DLD: variants seen among roughly 807,000 people sequenced by gnomAD.
DLD encodes the protein dihydrolipoamide dehydrogenase, also known as dihydrolipoyl dehydrogenase, mitochondrial.
DLD carries 36 observed loss-of-function variants against 62.2 expected under a neutral mutation model. The ratio of observed to expected loss-of-function variants is 0.58; its 90% CI spans 0.44 to 0.76. The LOEUF (loss-of-function observed/expected upper bound fraction) is 0.76, where lower values mean the gene tolerates loss of function less well. DLD is among the 30% of genes least tolerant of loss of function. The pLI is 0.00. For missense variants in DLD, 541 were observed against 608.6 expected, an observed-to-expected ratio of 0.89 and a Z score of 1.17; for synonymous variants, 204 against 199.6, an observed-to-expected ratio of 1.02 and a Z score of -0.19.
intron 1 of DLD, 68 bp from the exon 2 acceptor site, chr7:107,893,129 TATC>T (rs1442023704): frequency 6.8e-6 from 9 of 1,324,876 alleles, no homozygotes; most frequent in African/African-American, 5.8e-5. Flanking sequence ...ATTGTTCTGT[TATC>T]ATCAACCTTC....
At position 107,898,595 on chromosome 7, in the gene DLD, T is replaced by G. The variant is rs376682513; in HGVS notation, c.119-3143T>G. ...CACACCTGGCCTGTATCCTGATTTTTTAACTTTTTTTTTGAGACAGAGTCT... is the reference window on the plus strand; with the variant it reads ...CACACCTGGCCTGTATCCTGATTTTGTAACTTTTTTTTTGAGACAGAGTCT... On this transcript the variant is annotated intron_variant, in intron 2 of 13. Coordinates refer to ENST00000205402, the MANE Select transcript of DLD (RefSeq NM_000108.5). Among the ~76,000 whole-genome samples, 9 of 151,206 alleles carry G rather than the reference T, an allele frequency of 6.0e-5. No individual in the cohort carries two copies. The South Asian group carries it at 1.0e-3, about 18-fold the overall frequency.
At chr7:107,903,861 G>A (rs2031938442) in intron 5 of DLD, 1 of 275,236 alleles carries the variant, frequency 3.6e-6, no homozygotes, top group Non-Finnish European at 7.1e-6. Flanking sequence ...CCTAAAATCT[G>A]GAAATCACTG....
At position 107,903,028 on chromosome 7, in the gene DLD, A is replaced by G. The variant is rs138170299; in HGVS notation, c.268-450A>G. ...AAGTGGTGTTATGATTTATGACTATAATGTGGAATAATTTAGTCAAGTTAA... is the reference window on the plus strand; with the variant it reads ...AAGTGGTGTTATGATTTATGACTATGATGTGGAATAATTTAGTCAAGTTAA... On this transcript the variant is annotated intron_variant, in intron 4 of 13. Transcript: ENST00000205402. Among the ~76,000 whole-genome samples, 6 of 152,314 alleles carry G rather than the reference A, an allele frequency of 3.9e-5. No homozygotes were observed. In the East Asian group the frequency reaches 1.2e-3, roughly 29 times the overall value.
At position 107,916,808 on chromosome 7, in the gene DLD, C is replaced by T; in HGVS notation, c.890C>T (p.Ser297Phe). 1.2e-6 allele frequency: 2 copies of T among 1,613,140 alleles called. No homozygotes were observed. The highest frequency in any genetic ancestry group is 8.5e-7 in the Non-Finnish European group (1 of 1,179,876). ...TTGTTATCTAGTATTGAAGCTGCTTCTGGTGGTAAAGCTGAAGTTATCACT... is the reference window on the plus strand; with the variant it reads ...TTGTTATCTAGTATTGAAGCTGCTTTTGGTGGTAAAGCTGAAGTTATCACT... ...GKIDVSIEAA[S>F]GGKAEVITCD... The change falls in exon 10 of 14, where the codon TCT (serine) becomes TTT (phenylalanine). Residue 297 changes from serine to phenylalanine, a missense_variant. Coordinates refer to ENST00000205402, the MANE Select transcript of DLD (RefSeq NM_000108.5).
intron 8 of DLD, among the ~76,000 whole-genome samples, chr7:107,910,927 A>G (rs982380986): frequency 6.6e-6 from 1 of 152,006 alleles, no homozygotes; most frequent in Non-Finnish European, 1.5e-5. Flanking sequence ...TTTCCCCTCT[A>G]TTTACTTCTA....
At chr7:107,918,464 T>C (rs2032324549) in intron 12 of DLD, among the ~76,000 whole-genome samples, 1 of 152,182 alleles carries the variant, frequency 6.6e-6, no homozygotes, top group Admixed American at 6.5e-5. Flanking sequence ...AGACCAAATA[T>C]TTGCATTTTA....
rs73726765 is a variant in DLD at position 107,906,359 on chromosome 7, T to C, written c.675T>C (p.Gly225=). ...KMVVIGAGVI[G]VELGSVWQRL... ...TTGTTATTGGTGCAGGAGTAATAGG[T>C]GTAGAATTGGTAAGTGTTGTCTTTC... Residue 225 remains glycine (G), a synonymous_variant, in exon 8 of 14, where the codon GGT becomes GGC. Transcript: ENST00000205402. 3,290 of 1,605,498 alleles carry C rather than the reference T, an allele frequency of 2.0e-3. 59 individuals carry two copies. In the African/African-American group the frequency reaches 0.039, roughly 19 times the overall value.
At chr7:107,915,402 C>G in intron 8 of DLD, 104 bp from the exon 9 acceptor site, 1 of 1,239,438 alleles carries the variant, frequency 8.1e-7, no homozygotes, top group Non-Finnish European at 1.2e-6. Flanking sequence ...TAGGAACATA[C>G]TAGCGAAAGA....
chr7:107,891,302 T>C lies in DLD; in HGVS notation c.39+13T>C. The C allele has an allele frequency of 6.2e-7, 1 of 1,613,836 alleles. No homozygotes were observed. Among genetic ancestry groups the C allele is most frequent in the Non-Finnish European group, 8.5e-7 (1 of 1,179,824 alleles). ...CTCCTTGGCCAAGGTGAGGGCCGAG[T>C]AGGTGAGGTCGTGTTGAGCCAGAGG... is the stretch of plus-strand genomic sequence containing the variant. On this transcript the variant is annotated intron_variant, in intron 1 of 13. Coordinates refer to ENST00000205402, the MANE Select transcript of DLD (RefSeq NM_000108.5).
At chr7:107,896,928 C>T (rs1410359378) in intron 2 of DLD, among the ~76,000 whole-genome samples, 2 of 151,952 alleles carry the variant, frequency 1.3e-5, no homozygotes, top group African/African-American at 2.4e-5. Flanking sequence ...CTCCACCTCC[C>T]GGGTTCAAGT....
At chr7:107,909,501 T>G (rs4730280) in intron 8 of DLD, among the ~76,000 whole-genome samples, 100,171 of 152,030 alleles carry the variant, frequency 0.66, 33,815 homozygotes, top group East Asian at 0.85. Flanking sequence ...TTTCTCCATC[T>G]CATCTACAAG....
upstream of DLD, chr7:107,891,117 G>A (rs1418762440): frequency 7.9e-6 from 9 of 1,133,642 alleles, no homozygotes; most frequent in South Asian, 5.2e-5. Context: ...AGAACCGCGC[G>A]GGCCAATCGC....
intron 8 of DLD, among the ~76,000 whole-genome samples, chr7:107,912,914 G>A (rs1038915975): frequency 6.6e-6 from 1 of 152,112 alleles, no homozygotes; most frequent in African/African-American, 2.4e-5. Flanking sequence ...TTTTCTTACA[G>A]TAATTTCATA....
rs1803921 is a variant in DLD at position 107,918,038 on chromosome 7, C to T, written c.1351C>T (p.Leu451=). The T allele has an allele frequency of 7.7e-3, 12,364 of 1,613,944 alleles. 872 individuals are homozygous for T. In the African/African-American group the frequency reaches 0.15, roughly 19 times the overall value. ...TGGGCAGAAATCGACAGACAGAGTA[C>T]TGGGAGCACATATTCTTGGACCAGT... ...ILGQKSTDRV[L]GAHILGPGAG... Residue 451 remains leucine (L), a synonymous_variant, in exon 12 of 14, where the codon CTG becomes TTG. Transcript: ENST00000205402.
intron 8 of DLD, among the ~76,000 whole-genome samples, chr7:107,915,236 C>T (rs2032238148): frequency 6.6e-6 from 1 of 152,132 alleles, no homozygotes; most frequent in Non-Finnish European, 1.5e-5. Context: ...TCCCTGAGAA[C>T]AGAGATTTTT....
chr7:107,891,304 G>A lies in DLD; in HGVS notation c.39+15G>A. The stretch of plus-strand genomic sequence containing the variant: ...CCTTGGCCAAGGTGAGGGCCGAGTA[G>A]GTGAGGTCGTGTTGAGCCAGAGGCA... On this transcript the variant is annotated intron_variant, in intron 1 of 13. Transcript: ENST00000205402. 1 of 1,614,046 alleles carries A rather than the reference G, an allele frequency of 6.2e-7. No individual in the cohort carries two copies. Among genetic ancestry groups the A allele is most frequent in the Non-Finnish European group, 8.5e-7 (1 of 1,179,902 alleles).
chr7:107,915,470 T>C, intron 8 of DLD, 36 bp from the exon 9 acceptor site: 2 of 1,606,822 alleles, frequency 1.2e-6, no homozygotes, highest in Non-Finnish European at 8.5e-7. Context: ...CTATAGAAAC[T>C]TTTATGATTA....
chr7:107,915,406 C>A, intron 8 of DLD, 100 bp from the exon 9 acceptor site: 2 of 1,324,884 alleles, frequency 1.5e-6, no homozygotes, highest in Non-Finnish European at 2.1e-6. Context: ...AACATACTAG[C>A]GAAAGAAGAA....
At chr7:107,914,564 T>TA (rs1277837094) in intron 8 of DLD, among the ~76,000 whole-genome samples, 4 of 152,176 alleles carry the variant, frequency 2.6e-5, no homozygotes, top group Admixed American at 2.0e-4. Context: ...TACGTATTGT[T>TA]AGATTTTTAG....
Sources: allele counts gnomAD v4.1 joint callset (sites outside exome capture counted in the v4.1 genomes callset), GRCh38; gene constraint gnomAD v4.1.1; transcripts MANE v1.5; gene names NCBI Gene and HGNC (gene_info 2026-07-23, HGNC 2026-07-21).